The following POU2F2 variants were observed in gnomAD, a reference collection of about 807,000 sequenced individuals.
The protein encoded by POU2F2 is POU class 2 homeobox 2, also known as POU domain, class 2, transcription factor 2.
A neutral mutation model predicts 63.5 loss-of-function variants in POU2F2; 14 were observed. The observed-to-expected ratio is 0.22, with a 90% confidence interval of 0.15 to 0.34. The LOEUF is 0.34. POU2F2 is among the 10% of genes least tolerant of loss of function. The pLI is 1.00. For missense variants in POU2F2, 607 were observed against 815.2 expected, an observed-to-expected ratio of 0.74 and a Z score of 3.11; for synonymous variants, 306 against 348.6, an observed-to-expected ratio of 0.88 and a Z score of 1.36.
At chr19:42,100,123 G>A (rs1439485394) in intron 5 of POU2F2, among the ~76,000 whole-genome samples, 6 of 105,700 alleles carry the variant, frequency 5.7e-5, no homozygotes, top group African/African-American at 1.9e-4. Context: ...TTTGAGTCTC[G>A]CTCTGTCGCC....
intron 4 of POU2F2, among the ~76,000 whole-genome samples, chr19:42,118,020 G>A (rs971560887): frequency 6.6e-6 from 1 of 151,986 alleles, no homozygotes; most frequent in South Asian, 2.1e-4. Context: ...TACCTCCCAG[G>A]CTCAAGCAAT....
At chr19:42,109,696 A>C (rs2030761335) in intron 5 of POU2F2, among the ~76,000 whole-genome samples, 1 of 152,180 alleles carries the variant, frequency 6.6e-6, no homozygotes, top group African/African-American at 2.4e-5. Context: ...GCTGGAGTGC[A>C]GTGCGTGATT....
upstream of POU2F2, among the ~76,000 whole-genome samples, chr19:42,177,850 G>A (rs781440047): frequency 1.3e-5 from 2 of 151,928 alleles, no homozygotes; most frequent in South Asian, 4.2e-4. Context: ...GAGGGGACAG[G>A]ACAGGGAGCA....
At chr19:42,176,081 GA>G (rs71336805), upstream of POU2F2, 187 of 128,660 alleles carry the variant, frequency 1.5e-3, no homozygotes, top group African/African-American at 4.1e-3. Context: ...GAGAGAGAGA[GA>G]AAAAAAAAAA....
chr19:42,130,244 G>C (rs978824302), intron 1 of POU2F2, among the ~76,000 whole-genome samples: 2 of 152,064 alleles, frequency 1.3e-5, no homozygotes, highest in African/African-American at 2.4e-5. Context: ...CTCACACCAA[G>C]TCACATCAGT....
intron 2 of POU2F2, among the ~76,000 whole-genome samples, chr19:42,146,048 A>G (rs1617789): frequency 0.047 from 7,120 of 151,244 alleles, 523 homozygotes; most frequent in African/African-American, 0.16. Flanking sequence ...AAAAAAAAAA[A>G]AAAAGAAAAA....
intron 1 of POU2F2, among the ~76,000 whole-genome samples, chr19:42,130,382 G>C (rs950819204): frequency 1.3e-5 from 2 of 152,198 alleles, no homozygotes. Context: ...TCTGAACCCA[G>C]TTCACAGGTG....
chr19:42,172,978 C>A (rs2034800654), intron 1 of POU2F2, among the ~76,000 whole-genome samples: 1 of 152,178 alleles, frequency 6.6e-6, no homozygotes, highest in African/African-American at 2.4e-5. Context: ...GTTCTAGCGC[C>A]AGCATGGTTG....
rs2034985223 is a variant in POU2F2 at position 42,183,532 on chromosome 19, G to A, written c.-70+12851C>T. On this transcript the variant is annotated intron_variant, in intron 1 of 5. Transcript: ENST00000532176. ...TGGTGGTGGTTACACAACTGTGTGTGTGTGTAAACTCATTAAACTGTACAT... is the reference window on the plus strand; with the variant it reads ...TGGTGGTGGTTACACAACTGTGTGTATGTGTAAACTCATTAAACTGTACAT... Among the ~76,000 whole-genome samples the A allele has an allele frequency of 2.0e-5, 3 of 152,326 alleles. No individual in the cohort carries two copies. In the South Asian group the frequency reaches 6.2e-4, roughly 32 times the overall value.
In POU2F2 at chr19:42,155,212, C is replaced by G. The variant is rs561870503; in HGVS notation, c.-9+5120G>C. Among the ~76,000 whole-genome samples the G allele has an allele frequency of 9.2e-5, 14 of 152,264 alleles. No individual in the cohort carries two copies. Among genetic ancestry groups the G allele is most frequent in the Non-Finnish European group, 1.9e-4 (13 of 68,048 alleles). The stretch of plus-strand genomic sequence containing the variant: ...TGCCTTCATCTTTCTCTGATGCACT[C>G]TCATGCGCTCAGCTCGCATGCACGC... On this transcript the variant is annotated intron_variant, in intron 2 of 6. Transcript: ENST00000524801. The surrounding 1 kb of genome is among the most constrained non-coding windows in gnomAD (Gnocchi z 4.2).
chr19:42,116,796 C>G (rs1031170047), intron 5 of POU2F2: 5 of 364,216 alleles, frequency 1.4e-5, no homozygotes, highest in African/African-American at 2.2e-5. Context: ...GCAGGTCACC[C>G]CCCCCAGAGG....
chr19:42,196,366 G>A (rs1272786944), intron 1 of POU2F2: 1 of 152,176 alleles, frequency 6.6e-6, no homozygotes, highest in Non-Finnish European at 1.5e-5. Flanking sequence ...GGGTGGTGGC[G>A]GCACGTTCTC....
At chr19:42,174,679 C>T (rs941057276) in intron 1 of POU2F2, among the ~76,000 whole-genome samples, 9 of 152,104 alleles carry the variant, frequency 5.9e-5, no homozygotes. Flanking sequence ...TCTCACCACA[C>T]ATGCAGGCCT....
Position 42,095,894 on chromosome 19 carries a change from G to A in POU2F2, c.765C>T (p.Gly255=), listed in dbSNP as rs1599941999. The A allele has an allele frequency of 1.2e-6, 2 of 1,613,940 alleles. 1 individual carries two copies. The highest frequency in any genetic ancestry group is 4.5e-5 in the East Asian group (2 of 44,860). ...AAATGGTCGTCTGGCTGAAGTCGTT[G>A]CCGTAGAGCTTGCCCATGGCCAGGC... ...DVGLAMGKLY[G]NDFSQTTISR... Residue 255 remains glycine, a synonymous_variant, in exon 9 of 15, where the codon GGC becomes GGT. Transcript: ENST00000692977. The surrounding 1 kb of genome is among the most constrained non-coding windows in gnomAD (Gnocchi z 7.1).
chr19:42,121,820 C>T (rs939929365), intron 4 of POU2F2, among the ~76,000 whole-genome samples: 5 of 152,138 alleles, frequency 3.3e-5, no homozygotes, highest in Non-Finnish European at 5.9e-5. Flanking sequence ...GGGGGACAGG[C>T]GGTGGTGCAG....
At position 42,152,705 on chromosome 19, in the gene POU2F2, G is replaced by C. The variant is rs922432909; in HGVS notation, c.-9+7627C>G. 3 of 152,422 alleles carry C rather than the reference G, an allele frequency of 2.0e-5. No individual in the cohort carries two copies. The highest frequency in any genetic ancestry group is 4.8e-5 in the African/African-American group (2 of 41,456). The allele number at this position is 152,422 out of a possible 1,614,324, so 9.4% of individuals were successfully genotyped here. A position where few individuals can be genotyped will look rare whatever the true frequency, so the allele number is the denominator to read the frequency against. ...TGAGAGCTTGGACAGCCGGGAGAGGGGGTGAGTATGGGAGTGGGCAAGGAA... is the reference window on the plus strand; with the variant it reads ...TGAGAGCTTGGACAGCCGGGAGAGGCGGTGAGTATGGGAGTGGGCAAGGAA... On this transcript the variant is annotated intron_variant, in intron 2 of 6. Transcript: ENST00000524801. The surrounding 1 kb of genome is among the most constrained non-coding windows in gnomAD (Gnocchi z 4.1).
Position 42,156,885 on chromosome 19 carries a change from G to T in POU2F2, c.-9+3447C>A, listed in dbSNP as rs1162702390. ...CCTCACCAGACCCAGGATGAAAGCC[G>T]CTCACCTAGAGCAAAGCTTCTGCTT... On this transcript the variant is annotated intron_variant, in intron 2 of 6. Coordinates refer to the POU2F2 transcript ENST00000524801. This position sits in a 1 kb window ranked among gnomAD's most constrained non-coding sequence, Gnocchi z 4.1. 6.6e-6 allele frequency: 1 copy of T among 152,266 alleles called. No individual in the cohort carries two copies. Among genetic ancestry groups the T allele is most frequent in the African/African-American group, 2.4e-5 (1 of 41,450 alleles). 9.4% of individuals were successfully genotyped at this position (152,266 alleles called of 1,614,324 possible). A position where few individuals can be genotyped will look rare whatever the true frequency, so the allele number is the denominator to read the frequency against.
chr19:42,147,187 T>G (rs1402440780), intron 2 of POU2F2, among the ~76,000 whole-genome samples: 1 of 152,172 alleles, frequency 6.6e-6, no homozygotes, highest in Non-Finnish European at 1.5e-5. Context: ...ATCTCACCCC[T>G]GCTGACACCT....
At chr19:42,122,001 G>A (rs904694433) in intron 4 of POU2F2, 125 bp downstream of exon 4, 61 of 1,010,598 alleles carry the variant, frequency 6.0e-5, no homozygotes, top group Middle Eastern at 3.0e-4. Context: ...GAGAAGGGGC[G>A]GGAGGAACCT....
Sources: allele counts gnomAD v4.1 joint callset (sites outside exome capture counted in the v4.1 genomes callset), GRCh38; gene constraint gnomAD v4.1.1; non-coding constraint Gnocchi (gnomAD v3.1); transcripts MANE v1.5; gene names NCBI Gene and HGNC (gene_info 2026-07-23, HGNC 2026-07-21).